Variants in MAMLD1 observed in about 807,000 individuals in gnomAD.
The protein encoded by MAMLD1 is mastermind-like domain-containing protein 1.
A neutral mutation model predicts 45.0 loss-of-function variants in MAMLD1; 14 were observed. The observed-to-expected ratio is 0.31, with a 90% confidence interval of 0.21 to 0.49. The LOEUF (loss-of-function observed/expected upper bound fraction) is 0.49, where lower values mean the gene tolerates loss of function less well. Ranked by LOEUF, MAMLD1 falls within the 20% of genes least tolerant of loss-of-function variation. The pLI is 0.99. For missense variants in MAMLD1, 543 were observed against 603.6 expected (o/e 0.90, Z 1.05); for synonymous variants, 254 against 247.8 (o/e 1.02, Z -0.24).
At chrX:150,408,418 A>T (rs2124531760) in intron 1 of MAMLD1, among the ~76,000 whole-genome samples, 1 of 111,653 alleles carries the variant, frequency 9.0e-6, no homozygotes, top group East Asian at 2.8e-4. Context: ...CTTGACAATT[A>T]CTTCCATTTC....
upstream of MAMLD1, among the ~76,000 whole-genome samples, chrX:150,361,887 A>G (rs1557400477): frequency 8.9e-6 from 1 of 112,523 alleles, no homozygotes; most frequent in Non-Finnish European, 1.9e-5. Flanking sequence ...CCGTCTTGGG[A>G]TAACTGCGGA....
upstream of MAMLD1, among the ~76,000 whole-genome samples, chrX:150,363,122 C>T (rs2031106182): frequency 2.7e-5 from 3 of 112,799 alleles, no homozygotes; most frequent in Non-Finnish European, 3.8e-5. Context: ...GGGTCGCGGG[C>T]AGGGCAGCGC....
chrX:150,457,638 C>T (rs1298624920), intron 2 of MAMLD1, among the ~76,000 whole-genome samples: 2 of 112,282 alleles, frequency 1.8e-5, no homozygotes, highest in Non-Finnish European at 3.8e-5. Flanking sequence ...TATTATTTGG[C>T]CACAAAAGGA....
At chrX:150,441,618 G>C (rs1294510059) in intron 1 of MAMLD1, among the ~76,000 whole-genome samples, 1 of 110,991 alleles carries the variant, frequency 9.0e-6, no homozygotes, top group Non-Finnish European at 1.9e-5. Flanking sequence ...CTCTGTTATT[G>C]TTTTCCAATT....
intron 7 of MAMLD1, among the ~76,000 whole-genome samples, chrX:150,511,795 G>T (rs2037906518): frequency 8.9e-6 from 1 of 111,915 alleles, no homozygotes; most frequent in Non-Finnish European, 1.9e-5. Context: ...TAGGGAGTTG[G>T]GGCAGCTTCC....
intron 1 of MAMLD1, among the ~76,000 whole-genome samples, chrX:150,406,195 G>A (rs1557402665): frequency 2.7e-5 from 3 of 110,543 alleles, no homozygotes; most frequent in South Asian, 7.8e-4. Context: ...TTTAACCCTC[G>A]CAGCATCTGA....
intron 1 of MAMLD1, among the ~76,000 whole-genome samples, chrX:150,411,452 T>C (rs1016275380): frequency 5.4e-5 from 6 of 111,633 alleles, no homozygotes; most frequent in African/African-American, 2.0e-4. Context: ...TAGCAGAGGA[T>C]GATAGATTGT....
rs2032706236 is a variant in MAMLD1 at position 150,382,891 on chromosome X, TTTTTTTTTTA to T, written c.-64+19368_-64+19377del. Among the ~76,000 whole-genome samples the T allele has an allele frequency of 1.2e-4, 4 of 33,370 alleles. 1 individual carries two copies. Among genetic ancestry groups the T allele is most frequent in the East Asian group, 5.9e-4 (1 of 1,681 alleles). The allele number at this position is 33,370 out of a possible 115,157, so 29.0% of individuals were successfully genotyped here. A position where few individuals can be genotyped will look rare whatever the true frequency, so the allele number is the denominator to read the frequency against. On this transcript the variant is annotated intron_variant, in intron 1 of 7. Transcript: ENST00000370401. ...TTTTGTCCCATTTTATTTTATTTTT[TTTTTTTTTTA>T]TTTTTTATTTTTTTTTTTTTTGAGA...
intron 5 of MAMLD1, among the ~76,000 whole-genome samples, chrX:150,475,060 C>T (rs2036544787): frequency 8.9e-6 from 1 of 112,167 alleles, no homozygotes; most frequent in Non-Finnish European, 1.9e-5. Flanking sequence ...AGCAAACCTC[C>T]CAAGTTTTAC....
At chrX:150,398,307 A>C (rs1257450775) in intron 1 of MAMLD1, among the ~76,000 whole-genome samples, 5 of 99,197 alleles carry the variant, frequency 5.0e-5, no homozygotes, top group African/African-American at 1.9e-4. Context: ...AAGAAGAAGA[A>C]GAAGAAGAAG....
intron 1 of MAMLD1, among the ~76,000 whole-genome samples, chrX:150,420,501 G>A (rs1336533491): frequency 8.9e-6 from 1 of 111,983 alleles, no homozygotes; most frequent in Non-Finnish European, 1.9e-5. Flanking sequence ...TTCCTTTGGA[G>A]GAGGAGAGGT....
At chrX:150,447,649 A>G (rs781943973) in intron 2 of MAMLD1, among the ~76,000 whole-genome samples, 1 of 111,660 alleles carries the variant, frequency 9.0e-6, no homozygotes, top group Non-Finnish European at 1.9e-5. Context: ...CTGTGAGTCC[A>G]CCAAGAAACC....
At chrX:150,447,091 A>T (rs2035514504) in intron 2 of MAMLD1, among the ~76,000 whole-genome samples, 1 of 112,407 alleles carries the variant, frequency 8.9e-6, no homozygotes, top group Admixed American at 9.4e-5. Context: ...TGTCCTTAGA[A>T]TAGGTCCTTG....
intron 1 of MAMLD1, among the ~76,000 whole-genome samples, chrX:150,398,095 C>T (rs1026726008): frequency 9.2e-6 from 1 of 108,665 alleles, no homozygotes; most frequent in African/African-American, 3.4e-5. Flanking sequence ...CCCACAGTGA[C>T]CCTTCTGCAA....
chrX:150,442,080 TTATC>T (rs1486109244), intron 1 of MAMLD1, among the ~76,000 whole-genome samples: 2 of 109,516 alleles, frequency 1.8e-5, no homozygotes, highest in Admixed American at 1.9e-4. Flanking sequence ...GAAGTCTACT[TTATC>T]TAATATCACT....
At position 150,481,964 on chromosome X, in the gene MAMLD1, AAAAGAAAGAAAGAAAGAAAG is replaced by A. The variant is rs57124938; in HGVS notation, c.2040+8213_2040+8232del. On this transcript the variant is annotated intron_variant, in intron 5 of 7. Transcript: ENST00000370401. ...AAAGAAAAAAGAAAGAAAGAAAGAA[AAAAGAAAGAAAGAAAGAAAG>A]AAAGAAAGAAAGAAAGAAAGAAAGA... Among the ~76,000 whole-genome samples, 446 of 56,567 alleles carry A rather than the reference AAAAGAAAGAAAGAAAGAAAG, an allele frequency of 7.9e-3. 3 individuals are homozygous for A. The highest frequency in any genetic ancestry group is 0.024 in the Middle Eastern group (3 of 126). 49.1% of individuals were successfully genotyped at this position (56,567 alleles called of 115,157 possible).
At chrX:150,424,295 G>A (rs1382367440) in intron 1 of MAMLD1, among the ~76,000 whole-genome samples, 2 of 112,757 alleles carry the variant, frequency 1.8e-5, no homozygotes, top group African/African-American at 6.4e-5. Context: ...CTGGCCTCAA[G>A]CTGATTCATC....
chrX:150,378,878 G>A (rs2032461620), intron 1 of MAMLD1, among the ~76,000 whole-genome samples: 1 of 110,779 alleles, frequency 9.0e-6, no homozygotes, highest in Admixed American at 9.6e-5. Context: ...TCTGCTCCAG[G>A]CTCATCTTGT....
Position 150,507,042 on chromosome X carries a change from C to T in MAMLD1, c.2285-2920C>T, listed in dbSNP as rs150160705. ...CTGGGCCTTAGTTCTCTGGGGGTCA[C>T]CATGAGAGAAGCACACCTGGGCTTG... On this transcript the variant is annotated intron_variant, in intron 6 of 7. Transcript: ENST00000370401. 5.8e-3 allele frequency among the ~76,000 whole-genome samples: 651 copies of T among 112,206 alleles called. 5 individuals carry two copies. The highest frequency in any genetic ancestry group is 0.019 in the African/African-American group (592 of 30,832).
Sources: gnomAD v4.1 joint callset for allele counts (sites outside exome capture counted in the v4.1 genomes callset) on GRCh38, gnomAD v4.1.1 for gene constraint, MANE v1.5 for transcripts, NCBI Gene and HGNC (gene_info 2026-07-23, HGNC 2026-07-21) for gene names.